The following ENOX1 variants were observed in gnomAD, a reference collection of about 807,000 sequenced individuals.
The protein encoded by ENOX1 is ecto-NOX disulfide-thiol exchanger 1, also known as candidate growth-related and time keeping constitutive hydroquinone (NADH) oxidase.
In ENOX1, 42 loss-of-function variants were observed where a neutral mutation model predicts 82.5. That is an observed-to-expected ratio of 0.51 (90% confidence interval 0.40 to 0.66). The LOEUF (loss-of-function observed/expected upper bound fraction) is 0.66. ENOX1 is among the 30% of genes least tolerant of loss of function. The pLI is 0.00. For missense variants in ENOX1, 608 were observed against 811.6 expected, an observed-to-expected ratio of 0.75 and a Z score of 3.05; for synonymous variants, 271 against 282.2, an observed-to-expected ratio of 0.96 and a Z score of 0.40.
chr13:43,466,618 A>G (rs2057735441), intron 3 of ENOX1, among the ~76,000 whole-genome samples: 1 of 152,204 alleles, frequency 6.6e-6, no homozygotes, highest in African/African-American at 2.4e-5. Context: ...AAAATTATAG[A>G]GTACAACTTT....
chr13:43,581,811 C>A (rs780767245), intron 2 of ENOX1, among the ~76,000 whole-genome samples: 3 of 152,032 alleles, frequency 2.0e-5, no homozygotes, highest in Non-Finnish European at 4.4e-5. Context: ...CATGGGGATA[C>A]AAGAGAAAAA....
chr13:43,568,955 G>A (rs988934152), intron 2 of ENOX1, among the ~76,000 whole-genome samples: 1 of 152,082 alleles, frequency 6.6e-6, no homozygotes, highest in Non-Finnish European at 1.5e-5. Flanking sequence ...CTAGCTACGG[G>A]GATAGGGTCA....
At chr13:43,558,334 T>C (rs2079530720) in intron 2 of ENOX1, among the ~76,000 whole-genome samples, 3 of 152,186 alleles carry the variant, frequency 2.0e-5, no homozygotes, top group Admixed American at 1.3e-4. Flanking sequence ...AATTTTGCAG[T>C]CTCCAGTCTG....
chr13:43,589,896 C>CAA (rs56787803), intron 2 of ENOX1, among the ~76,000 whole-genome samples: 78 of 108,858 alleles, frequency 7.2e-4, no homozygotes, highest in Non-Finnish European at 1.0e-3. Flanking sequence ...GTCTATTCTG[C>CAA]AAAAAAAAAA....
At chr13:43,539,849 T>C (rs1412333794) in intron 2 of ENOX1, among the ~76,000 whole-genome samples, 1 of 152,218 alleles carries the variant, frequency 6.6e-6, no homozygotes, top group Admixed American at 6.5e-5. Flanking sequence ...TAACTAAAAC[T>C]TTGAGATTAT....
chr13:43,583,846 G>A (rs1366936128), intron 2 of ENOX1, among the ~76,000 whole-genome samples: 2 of 150,082 alleles, frequency 1.3e-5, no homozygotes. Flanking sequence ...TTAGGGTAAG[G>A]GCCATGTCTT....
At chr13:43,675,416 G>A (rs758661385) in intron 1 of ENOX1, among the ~76,000 whole-genome samples, 1 of 152,126 alleles carries the variant, frequency 6.6e-6, no homozygotes, top group African/African-American at 2.4e-5. Context: ...GGAAGCAGTG[G>A]GAATGTTCAG....
At chr13:43,589,510 T>C (rs1378421373) in intron 2 of ENOX1, among the ~76,000 whole-genome samples, 1 of 152,054 alleles carries the variant, frequency 6.6e-6, no homozygotes, top group Non-Finnish European at 1.5e-5. Context: ...CTAGGCCAAA[T>C]AATAACTATT....
At chr13:43,672,518 T>C (rs1304566482) in intron 1 of ENOX1, among the ~76,000 whole-genome samples, 1 of 152,216 alleles carries the variant, frequency 6.6e-6, no homozygotes, top group African/African-American at 2.4e-5. Context: ...TAAATTTGTA[T>C]GCTTTTCTCT....
At chr13:43,419,402 C>T (rs939701424) in intron 3 of ENOX1, among the ~76,000 whole-genome samples, 1 of 151,936 alleles carries the variant, frequency 6.6e-6, no homozygotes, top group African/African-American at 2.4e-5. Flanking sequence ...AACAGTTAGT[C>T]AAGCATGGTA....
intron 1 of ENOX1, among the ~76,000 whole-genome samples, chr13:43,745,312 G>A (rs1323072778): frequency 6.6e-6 from 1 of 152,024 alleles, no homozygotes; most frequent in African/African-American, 2.4e-5. Context: ...TTATCCACAT[G>A]TAAAAGTGCT....
chr13:43,378,026 A>C (rs1223104838), intron 5 of ENOX1, among the ~76,000 whole-genome samples: 1 of 152,112 alleles, frequency 6.6e-6, no homozygotes, highest in Non-Finnish European at 1.5e-5. Flanking sequence ...TGTTTGCCAA[A>C]TACCAAATGT....
intron 9 of ENOX1, among the ~76,000 whole-genome samples, chr13:43,330,545 C>T (rs183435010): frequency 3.3e-5 from 5 of 152,268 alleles, no homozygotes; most frequent in Non-Finnish European, 7.4e-5. Context: ...TTTAAATTTA[C>T]CCCTCACACT....
intron 3 of ENOX1, among the ~76,000 whole-genome samples, chr13:43,429,711 A>G (rs1320846927): frequency 1.3e-5 from 2 of 152,226 alleles, no homozygotes; most frequent in Non-Finnish European, 1.5e-5. Context: ...CAAGGAAAAG[A>G]GAAAACATGA....
chr13:43,625,507 G>GA (rs1301651518), intron 2 of ENOX1, among the ~76,000 whole-genome samples: 4 of 151,874 alleles, frequency 2.6e-5, no homozygotes, highest in Non-Finnish European at 4.4e-5. Context: ...TCGAGTTTAA[G>GA]AAATCCCACT....
At chr13:43,329,809 C>G (rs1195578077) in intron 9 of ENOX1, among the ~76,000 whole-genome samples, 4 of 152,166 alleles carry the variant, frequency 2.6e-5, no homozygotes, top group African/African-American at 9.7e-5. Context: ...TCACAGTATT[C>G]ACACGGCCCA....
chr13:43,346,178 G>T (rs1364891053), intron 8 of ENOX1, among the ~76,000 whole-genome samples: 1 of 152,162 alleles, frequency 6.6e-6, no homozygotes, highest in African/African-American at 2.4e-5. Flanking sequence ...CCCAGACCAG[G>T]AGTACAGCTT....
intron 3 of ENOX1, among the ~76,000 whole-genome samples, chr13:43,470,269 T>TAC: frequency 2.3e-5 from 1 of 43,768 alleles, no homozygotes; most frequent in Non-Finnish European, 7.2e-5. Flanking sequence ...TACATATATA[T>TAC]ACACATATAT....
intron 2 of ENOX1, among the ~76,000 whole-genome samples, chr13:43,640,880 ACG>A (rs571198706): frequency 2.8e-3 from 347 of 125,500 alleles, no homozygotes; most frequent in African/African-American, 8.8e-3. Flanking sequence ...GCACACACAC[ACG>A]CGCACACACA....
Sources: gnomAD v4.1 joint callset for allele counts (sites outside exome capture counted in the v4.1 genomes callset) on GRCh38, gnomAD v4.1.1 for gene constraint, MANE v1.5 for transcripts, NCBI Gene and HGNC (gene_info 2026-07-23, HGNC 2026-07-21) for gene names.